PTPN2: variants seen among roughly 807,000 people sequenced by gnomAD.
PTPN2 encodes the protein tyrosine-protein phosphatase non-receptor type 2.
Under a neutral mutation model 57.3 loss-of-function variants are expected in PTPN2, and 19 were observed. The ratio of observed to expected loss-of-function variants is 0.33; its 90% CI spans 0.23 to 0.49. The LOEUF is 0.49. Ranked by LOEUF, PTPN2 falls within the 20% of genes least tolerant of loss-of-function variation. PTPN2 has a pLI of 0.99. For synonymous variants in PTPN2, 153 were observed against 164.9 expected (o/e 0.93, Z 0.55); for missense variants, 358 against 501.1 (o/e 0.71, Z 2.73).
chr18:12,849,551 C>T (rs1006546212), intron 2 of PTPN2, among the ~76,000 whole-genome samples: 12 of 133,238 alleles, frequency 9.0e-5, no homozygotes, highest in Non-Finnish European at 1.6e-5. Flanking sequence ...AAGAGCGAAA[C>T]CCTGTCTCAA....
At chr18:12,806,627 T>A (rs1244045388) in intron 7 of PTPN2, among the ~76,000 whole-genome samples, 1 of 151,944 alleles carries the variant, frequency 6.6e-6, no homozygotes, top group Non-Finnish European at 1.5e-5. Context: ...AGACAGAGCA[T>A]GGAAATAAAT....
intron 7 of PTPN2, among the ~76,000 whole-genome samples, chr18:12,804,305 A>AAAG (rs1555659751): frequency 1.3e-5 from 2 of 150,430 alleles, no homozygotes; most frequent in African/African-American, 4.9e-5. Context: ...AAAAAAAAAA[A>AAAG]AAAAGAAAAA....
intron 1 of PTPN2, among the ~76,000 whole-genome samples, chr18:12,873,274 CACGG>C (rs1453525143): frequency 1.6e-4 from 21 of 130,866 alleles, no homozygotes; most frequent in Admixed American, 9.7e-4. Context: ...TCCCTCTCCC[CACGG>C]TCTCCGTCTC....
intron 5 of PTPN2, among the ~76,000 whole-genome samples, chr18:12,825,475 G>A (rs1372917396): frequency 6.6e-6 from 1 of 152,124 alleles, no homozygotes; most frequent in African/African-American, 2.4e-5. Context: ...TGGGGAACAA[G>A]TCTAAAGTAC....
intron 9 of PTPN2, chr18:12,786,439 A>G (rs1267128444): frequency 1.3e-5 from 2 of 152,218 alleles, no homozygotes; most frequent in Non-Finnish European, 2.9e-5. Context: ...TTAAGCTACT[A>G]CTAATATAAA....
chr18:12,870,497 A>AGAGAGG (rs1321342192), intron 1 of PTPN2, among the ~76,000 whole-genome samples: 3 of 95,032 alleles, frequency 3.2e-5, no homozygotes, highest in Admixed American at 1.1e-4. Flanking sequence ...AGAGAGAGAG[A>AGAGAGG]GAAAAGCGTG....
intron 2 of PTPN2, among the ~76,000 whole-genome samples, chr18:12,849,058 T>G (rs894860171): frequency 6.6e-6 from 1 of 152,210 alleles, no homozygotes; most frequent in African/African-American, 2.4e-5. Context: ...CTTACCTTGT[T>G]CCCAATATTT....
At chr18:12,803,239 C>T (rs1056208872) in intron 7 of PTPN2, among the ~76,000 whole-genome samples, 25 of 151,956 alleles carry the variant, frequency 1.6e-4, no homozygotes, top group South Asian at 8.3e-4. Context: ...ACAGCAGACA[C>T]ACAAATGAGA....
intron 2 of PTPN2, among the ~76,000 whole-genome samples, chr18:12,857,719 G>C (rs1018470059): frequency 2.6e-5 from 4 of 152,094 alleles, no homozygotes; most frequent in African/African-American, 9.7e-5. Flanking sequence ...ACCCACACTG[G>C]AACTGCCACC....
At chr18:12,880,107 G>A (rs1659633285) in intron 1 of PTPN2, among the ~76,000 whole-genome samples, 1 of 152,222 alleles carries the variant, frequency 6.6e-6, no homozygotes, top group Admixed American at 6.5e-5. Context: ...GGCAGGTCAA[G>A]AAGGCCTGCC....
At chr18:12,852,633 G>A (rs1332510277) in intron 2 of PTPN2, among the ~76,000 whole-genome samples, 6 of 151,986 alleles carry the variant, frequency 3.9e-5, no homozygotes, top group East Asian at 3.9e-4. Context: ...CTCCCTCCTC[G>A]GCCTCCCAAA....
At chr18:12,805,639 C>CT (rs755422217) in intron 7 of PTPN2, among the ~76,000 whole-genome samples, 1,488 of 114,122 alleles carry the variant, frequency 0.013, 13 homozygotes, top group African/African-American at 0.029. Context: ...TGCCTCCTTT[C>CT]TTTTTTTTTT....
At chr18:12,830,571 C>G (rs968735571) in intron 4 of PTPN2, among the ~76,000 whole-genome samples, 2 of 152,118 alleles carry the variant, frequency 1.3e-5, no homozygotes, top group African/African-American at 4.8e-5. Flanking sequence ...TCATTAAAAA[C>G]CAGCAATTAT....
Position 12,859,144 on chromosome 18 carries a change from A to C in PTPN2, c.160+20T>G. 1 of 1,598,146 alleles carries C rather than the reference A, an allele frequency of 6.3e-7. No homozygotes were observed. On this transcript the variant is annotated intron_variant, in intron 2 of 8. Transcript: ENST00000309660. ...AACAAACCAAAAAATACACATGCACACAAACCCACAAGTACTTACATGGGC... is the reference window on the plus strand; with the variant it reads ...AACAAACCAAAAAATACACATGCACCCAAACCCACAAGTACTTACATGGGC...
intron 4 of PTPN2, among the ~76,000 whole-genome samples, chr18:12,829,387 C>G (rs893043014): frequency 1.3e-5 from 2 of 151,734 alleles, no homozygotes; most frequent in South Asian, 2.1e-4. Flanking sequence ...TGCTTGTAAT[C>G]CCAGTTGCTC....
chr18:12,867,277 C>T (rs1172099069), intron 1 of PTPN2, among the ~76,000 whole-genome samples: 1 of 150,938 alleles, frequency 6.6e-6, no homozygotes, highest in Non-Finnish European at 1.5e-5. Flanking sequence ...AGTGACTGTA[C>T]CACTGCACTC....
intron 1 of PTPN2, among the ~76,000 whole-genome samples, chr18:12,878,195 C>T (rs867868276): frequency 4.6e-5 from 7 of 151,456 alleles, no homozygotes; most frequent in African/African-American, 1.7e-4. Flanking sequence ...AAAAATTAGC[C>T]AGGCCCAGCT....
At chr18:12,872,591 G>A (rs1240440109) in intron 1 of PTPN2, among the ~76,000 whole-genome samples, 2 of 152,216 alleles carry the variant, frequency 1.3e-5, no homozygotes, top group African/African-American at 4.8e-5. Flanking sequence ...CCCGGCCCCT[G>A]AAATCAGTTT....
At chr18:12,818,203 A>T (rs977385635) in intron 5 of PTPN2, among the ~76,000 whole-genome samples, 21 of 152,130 alleles carry the variant, frequency 1.4e-4, no homozygotes, top group African/African-American at 5.1e-4. Flanking sequence ...TTTCCTTTTT[A>T]TGAATTTCAA....
Sources: allele counts gnomAD v4.1 joint callset (sites outside exome capture counted in the v4.1 genomes callset), GRCh38; gene constraint gnomAD v4.1.1; transcripts MANE v1.5; gene names NCBI Gene and HGNC (gene_info 2026-07-23, HGNC 2026-07-21).